Variants in CFLAR observed in about 807,000 individuals in gnomAD.
CFLAR encodes CASP8 and FADD like apoptosis regulator.
A neutral mutation model predicts 51.1 loss-of-function variants in CFLAR; 14 were observed. The ratio of observed to expected loss-of-function variants is 0.27; its 90% CI spans 0.18 to 0.43. CFLAR has a LOEUF of 0.43. Ranked by LOEUF, CFLAR falls within the 20% of genes least tolerant of loss-of-function variation. The probability of loss-of-function intolerance (pLI) is 1.00; values close to 1 mark genes in which losing one functional copy is unlikely to be tolerated. For synonymous variants in CFLAR, 210 were observed against 211.6 expected (o/e 0.99, Z 0.06); for missense variants, 390 against 566.5 (o/e 0.69, Z 3.16).
At chr2:201,128,042 C>G (rs947336773) in intron 1 of CFLAR, among the ~76,000 whole-genome samples, 3 of 152,170 alleles carry the variant, frequency 2.0e-5, no homozygotes, top group African/African-American at 4.8e-5. Context: ...TCTAGTAGTT[C>G]TGTTTGGTTC....
intron 1 of CFLAR, among the ~76,000 whole-genome samples, chr2:201,128,359 T>G (rs908014652): frequency 2.6e-5 from 4 of 152,170 alleles, no homozygotes; most frequent in African/African-American, 9.7e-5. Context: ...ATAGTCTGAG[T>G]GCCAATTTTT....
intron 5 of CFLAR, chr2:201,144,262 T>G (rs935605301): frequency 2.6e-5 from 4 of 152,362 alleles, no homozygotes; most frequent in Non-Finnish European, 5.9e-5. Context: ...TCAGATGGGT[T>G]GACAGCATGT....
intron 5 of CFLAR, 89 bp downstream of exon 5, chr2:201,140,528 A>G: frequency 1.1e-6 from 1 of 950,002 alleles, no homozygotes; most frequent in Non-Finnish European, 1.6e-6. Flanking sequence ...CATGTACTTT[A>G]TTTAATATCT....
At position 201,155,269 on chromosome 2, in the gene CFLAR, T is replaced by G. The variant is rs375367800; in HGVS notation, c.794-5163T>G. Among the ~76,000 whole-genome samples the G allele has an allele frequency of 3.9e-5, 6 of 151,948 alleles. 1 individual carries two copies. In the South Asian group the frequency reaches 6.2e-4, roughly 16 times the overall value. ...TGTTTGCAGATTTTAAGAGGAAGTT[T>G]TTTTTTTTTTTGAGACAGAGTCTCG... is the stretch of plus-strand genomic sequence containing the variant. On this transcript the variant is annotated intron_variant, in intron 8 of 9. Transcript: ENST00000309955.
intron 1 of CFLAR, among the ~76,000 whole-genome samples, chr2:201,120,709 C>A (rs563728728): frequency 6.6e-6 from 1 of 152,262 alleles, no homozygotes; most frequent in South Asian, 2.1e-4. Flanking sequence ...AAATGGGAAC[C>A]AAAGCTTCCT....
chr2:201,150,919 G>A (rs757160525), intron 8 of CFLAR, among the ~76,000 whole-genome samples: 1 of 152,176 alleles, frequency 6.6e-6, no homozygotes, highest in Non-Finnish European at 1.5e-5. Flanking sequence ...GTGAGCCTTA[G>A]TCTTGCCTTT....
At chr2:201,160,373 C>T in intron 8 of CFLAR, 59 bp from the exon 9 acceptor site, 1 of 1,537,264 alleles carries the variant, frequency 6.5e-7, no homozygotes, top group Non-Finnish European at 8.8e-7. Flanking sequence ...CCTACCCAGT[C>T]CTCTTGAGCT....
intron 6 of CFLAR, among the ~76,000 whole-genome samples, chr2:201,147,286 T>C (rs769551313): frequency 1.1e-4 from 17 of 152,214 alleles, no homozygotes; most frequent in Non-Finnish European, 1.8e-4. Context: ...CCCAGCACTT[T>C]GGGAGGTCGA....
Position 201,136,094 on chromosome 2 carries a change from G to A in CFLAR, c.510G>A (p.Lys170=). ...HRIDLKTKIQ[K]YKQSVQGAGT... is the part of the protein sequence containing the mutation. ...TAGACCTGAAGACAAAAATCCAGAA[G>A]TACAAGCAGTCTGGTAAGAATTTTG... The change falls in exon 4 of 10, where the codon AAG becomes AAA. Residue 170 remains lysine, a synonymous_variant. Coordinates refer to ENST00000309955, the MANE Select transcript of CFLAR (RefSeq NM_003879.7). The A allele has an allele frequency of 1.2e-6, 2 of 1,613,948 alleles. No homozygotes were observed. Among genetic ancestry groups the A allele is most frequent in the Non-Finnish European group, 1.7e-6 (2 of 1,179,980 alleles).
At chr2:201,137,336 C>T (rs2050273214) in intron 4 of CFLAR, 4 of 333,688 alleles carry the variant, frequency 1.2e-5, no homozygotes, top group South Asian at 5.1e-5. Flanking sequence ...CCTGACTCTG[C>T]AGGGGATGCC....
In CFLAR at chr2:201,163,899, G is replaced by A; in HGVS notation, c.1369G>A (p.Val457Ile). 1 of 1,614,168 alleles carries A rather than the reference G, an allele frequency of 6.2e-7. No individual in the cohort carries two copies. The highest frequency in any genetic ancestry group is 1.1e-5 in the South Asian group (1 of 91,082). The change falls in exon 10 of 10, where the codon GTT (valine) becomes ATT (isoleucine). Residue 457 changes from valine (V) to isoleucine (I), a missense_variant. By Grantham distance (29) the Val-to-Ile change is conservative. Transcript: ENST00000309955. ...CTACATGTATGATTGGAACAGCAGA[G>A]TTTCTGCCAAGGAGAAATATTATGT... ...NGYMYDWNSR[V>I]SAKEKYYVWL...
rs13033140 is a variant in CFLAR at position 201,166,793 on chromosome 2, T to C, written c.*2820T>C. On this transcript the variant is annotated 3_prime_UTR_variant, in exon 10 of 10. Coordinates refer to ENST00000309955, the MANE Select transcript of CFLAR (RefSeq NM_003879.7). Reference sequence around the variant, plus strand: ...CAGCCCGGCCAACACAGTGAAACCCTGTCTCCACCAAAAAAATACGAAAAC... The same window carrying C: ...CAGCCCGGCCAACACAGTGAAACCCCGTCTCCACCAAAAAAATACGAAAAC... 74,145 of 156,432 alleles carry C rather than the reference T, an allele frequency of 0.47. 17,877 individuals carry two copies. The highest frequency in any genetic ancestry group is 0.51 in the Non-Finnish European group (36,392 of 70,772). The allele number at this position is 156,432 out of a possible 1,614,324, so 9.7% of individuals were successfully genotyped here.
chr2:201,174,074 A>T lies in CFLAR; in HGVS notation c.*10101A>T, dbSNP rs188963652. On this transcript the variant is annotated 3_prime_UTR_variant, in exon 10 of 10. Coordinates refer to ENST00000309955, the MANE Select transcript of CFLAR (RefSeq NM_003879.7). ...GTGAATATATTCTCCCATTCCATGG[A>T]TTGTCTTCTCACTTTCTGGATACTA... The T allele has an allele frequency of 3.3e-5, 5 of 152,164 alleles. No homozygotes were observed. Among genetic ancestry groups the T allele is most frequent in the Admixed American group, 6.5e-5 (1 of 15,274 alleles). The allele number at this position is 152,164 out of a possible 1,614,324, so 9.4% of individuals were successfully genotyped here.
chr2:201,130,187 G>GGGCA, intron 2 of CFLAR, 41 bp downstream of exon 2: 6 of 292,392 alleles, frequency 2.1e-5, no homozygotes, highest in Non-Finnish European at 3.6e-5. Flanking sequence ...GGGTGGGAGG[G>GGGCA]AGTGAAGTGT....
intron 1 of CFLAR, among the ~76,000 whole-genome samples, chr2:201,125,285 G>T (rs1226954385): frequency 1.3e-5 from 2 of 152,202 alleles, no homozygotes; most frequent in South Asian, 4.1e-4. Context: ...AGTGAATTGT[G>T]GTTGAAGAAA....
intron 6 of CFLAR, among the ~76,000 whole-genome samples, chr2:201,147,287 G>C (rs1211664016): frequency 6.6e-6 from 1 of 152,172 alleles, no homozygotes; most frequent in Non-Finnish European, 1.5e-5. Context: ...CCAGCACTTT[G>C]GGAGGTCGAG....
chr2:201,130,175 G>A, intron 2 of CFLAR, 29 bp downstream of exon 2: 1 of 1,387,872 alleles, frequency 7.2e-7, no homozygotes, highest in Non-Finnish European at 9.6e-7. Context: ...CTGAGGCTGG[G>A]TGGGTGGGAG....
chr2:201,129,877 A>C lies in CFLAR; in HGVS notation c.12A>C (p.Glu4Asp). 1 of 1,614,112 alleles carries C rather than the reference A, an allele frequency of 6.2e-7. No homozygotes were observed. The highest frequency in any genetic ancestry group is 1.1e-5 in the South Asian group (1 of 91,084). Residue 4 changes from glutamate to aspartate, a missense_variant, in exon 2 of 10, where the codon GAA (glutamate) becomes GAC (aspartate). This residue lies in a region of CFLAR where 103 missense variants were observed against 202.9 expected (regional missense o/e 0.51). Coordinates refer to ENST00000309955, the MANE Select transcript of CFLAR (RefSeq NM_003879.7). ...AGTCTAAGAGTAGGATGTCTGCTGA[A>C]GTCATCCATCAGGTTGAAGAAGCAC... is the stretch of plus-strand genomic sequence containing the variant. MSA[E>D]VIHQVEEALD... is the part of the protein sequence containing the mutation.
intron 1 of CFLAR, among the ~76,000 whole-genome samples, chr2:201,120,959 A>T (rs1415223929): frequency 6.6e-6 from 1 of 152,216 alleles, no homozygotes; most frequent in Non-Finnish European, 1.5e-5. Flanking sequence ...AAATGAAAAA[A>T]GTAACTCCTT....
Sources: gnomAD v4.1 joint callset for allele counts (sites outside exome capture counted in the v4.1 genomes callset) on GRCh38, gnomAD v4.1.1 for gene constraint, gnomAD v4.1.1 regional missense constraint, MANE v1.5 for transcripts, NCBI Gene and HGNC (gene_info 2026-07-23, HGNC 2026-07-21) for gene names.